CADM2: variants seen among roughly 807,000 people sequenced by gnomAD.
The protein encoded by CADM2 is cell adhesion molecule 2.
A neutral mutation model predicts 49.8 loss-of-function variants in CADM2; 12 were observed. The ratio of observed to expected loss-of-function variants is 0.24; its 90% CI spans 0.15 to 0.39. The LOEUF is 0.39. Among genes scored for constraint, CADM2 ranks in the 10% least tolerant of loss-of-function variants. The pLI is 1.00. For synonymous variants in CADM2, 214 were observed against 175.4 expected (o/e 1.22, Z -1.74); for missense variants, 378 against 492.3 (o/e 0.77, Z 2.20).
intron 1 of CADM2, among the ~76,000 whole-genome samples, chr3:85,244,511 A>G (rs1027111396): frequency 1.3e-5 from 2 of 152,214 alleles, no homozygotes; most frequent in Non-Finnish European, 2.9e-5. Flanking sequence ...TAGAAAAGTA[A>G]TGTGAAAAAC....
intron 8 of CADM2, among the ~76,000 whole-genome samples, chr3:86,034,122 A>G (rs1419595480): frequency 6.6e-6 from 1 of 151,874 alleles, no homozygotes; most frequent in Non-Finnish European, 1.5e-5. Flanking sequence ...CTTACTTACT[A>G]TCTGCCCCAG....
intron 1 of CADM2, among the ~76,000 whole-genome samples, chr3:85,479,107 C>G (rs2039102879): frequency 6.6e-6 from 1 of 151,750 alleles, no homozygotes. Context: ...TCATGCCTGG[C>G]TAAATTTTTA....
intron 1 of CADM2, among the ~76,000 whole-genome samples, chr3:85,595,124 T>C (rs758464639): frequency 6.6e-6 from 1 of 152,042 alleles, no homozygotes; most frequent in Non-Finnish European, 1.5e-5. Context: ...ATAATACAAA[T>C]TGAAGTAGGA....
At chr3:85,554,405 G>C (rs947501998) in intron 1 of CADM2, among the ~76,000 whole-genome samples, 30 of 152,098 alleles carry the variant, frequency 2.0e-4, no homozygotes, top group Admixed American at 1.8e-3. Context: ...GTACCGGTTG[G>C]CGGCACAAAG....
chr3:84,959,517 AG>A lies in CADM2; in HGVS notation c.-89del. ...GGTGGGTCCGGCGGGCGCCGGGAGG[AG>A]GACACCAGCGGAGCCCTGCACTCTC... is the stretch of plus-strand genomic sequence containing the variant. On this transcript the variant is annotated 5_prime_UTR_variant, in exon 1 of 10. Transcript: ENST00000383699. 7.9e-7 allele frequency: 1 copy of A among 1,264,380 alleles called. No homozygotes were observed. Among genetic ancestry groups the A allele is most frequent in the Non-Finnish European group, 1.1e-6 (1 of 908,132 alleles). The allele number at this position is 1,264,380 out of a possible 1,614,324, so 78.3% of individuals were successfully genotyped here. A position where few individuals can be genotyped will look rare whatever the true frequency, so the allele number is the denominator to read the frequency against.
chr3:84,973,715 G>T (rs1351079866), intron 1 of CADM2, among the ~76,000 whole-genome samples: 1 of 142,528 alleles, frequency 7.0e-6, no homozygotes, highest in South Asian at 2.3e-4. Flanking sequence ...TTCATTCAAA[G>T]AGCCGCTGAT....
At chr3:85,402,687 C>G (rs559193257) in intron 1 of CADM2, among the ~76,000 whole-genome samples, 103 of 152,292 alleles carry the variant, frequency 6.8e-4, no homozygotes, top group Middle Eastern at 3.4e-3. Context: ...AGAGGTCCTC[C>G]TCAAGACCAA....
chr3:85,019,816 G>C (rs920467014), intron 1 of CADM2, among the ~76,000 whole-genome samples: 2 of 152,082 alleles, frequency 1.3e-5, no homozygotes, highest in African/African-American at 4.8e-5. Flanking sequence ...GTGAAGCAGG[G>C]AAAATACTCC....
At chr3:84,966,760 C>T (rs2107065897) in intron 1 of CADM2, among the ~76,000 whole-genome samples, 1 of 152,086 alleles carries the variant, frequency 6.6e-6, no homozygotes, top group South Asian at 2.1e-4. Context: ...ATTTTGGAAA[C>T]AACTCTTTCT....
chr3:85,510,748 G>A (rs1022502160), intron 1 of CADM2, among the ~76,000 whole-genome samples: 8 of 151,866 alleles, frequency 5.3e-5, no homozygotes, highest in African/African-American at 1.7e-4. Context: ...AGTTCAATTA[G>A]TCTTTCATTC....
intron 1 of CADM2, among the ~76,000 whole-genome samples, chr3:85,068,151 A>C (rs1174678285): frequency 6.6e-6 from 1 of 152,232 alleles, no homozygotes; most frequent in African/African-American, 2.4e-5. Flanking sequence ...CAAGCCTTCA[A>C]TTATAACATT....
chr3:85,384,671 ATG>A (rs372405205), intron 1 of CADM2, among the ~76,000 whole-genome samples: 83 of 148,452 alleles, frequency 5.6e-4, no homozygotes, highest in South Asian at 8.5e-4. Context: ...GTCAAAAAAA[ATG>A]TGTGTGTGTG....
At chr3:85,340,870 T>C (rs557822550) in intron 1 of CADM2, among the ~76,000 whole-genome samples, 2 of 151,820 alleles carry the variant, frequency 1.3e-5, no homozygotes, top group East Asian at 3.9e-4. Flanking sequence ...TATTGTTTTA[T>C]TTGCTGTTAC....
chr3:85,033,699 T>G (rs951905030), intron 1 of CADM2, among the ~76,000 whole-genome samples: 6 of 152,140 alleles, frequency 3.9e-5, no homozygotes, highest in South Asian at 2.1e-4. Context: ...AGTTTGAGGT[T>G]TTATGAAAGT....
intron 1 of CADM2, among the ~76,000 whole-genome samples, chr3:85,275,995 A>G (rs1408241051): frequency 1.3e-5 from 2 of 151,294 alleles, no homozygotes; most frequent in Admixed American, 1.3e-4. Context: ...TGACCTATGT[A>G]CTACTGTTAC....
Position 85,602,055 on chromosome 3 carries a change from C to T in CADM2, c.62-124467C>T, listed in dbSNP as rs147475301. Reference sequence around the variant, plus strand: ...GCTACTATTGTAATTTAAACTTTCACTTAGAATTAAAAGCAATTATCATTA... The same window carrying T: ...GCTACTATTGTAATTTAAACTTTCATTTAGAATTAAAAGCAATTATCATTA... On this transcript the variant is annotated intron_variant, in intron 1 of 9. Coordinates refer to ENST00000383699, the MANE Select transcript of CADM2 (RefSeq NM_001167675.2). Among the ~76,000 whole-genome samples, 422 of 151,880 alleles carry T rather than the reference C, an allele frequency of 2.8e-3. 3 individuals are homozygous for T. Among genetic ancestry groups the T allele is most frequent in the African/African-American group, 9.7e-3 (404 of 41,534 alleles).
chr3:85,504,112 G>A (rs982180680), intron 1 of CADM2, among the ~76,000 whole-genome samples: 4 of 152,090 alleles, frequency 2.6e-5, no homozygotes, highest in African/African-American at 7.2e-5. Context: ...GTTCTTAAAG[G>A]CGGCGTGTCC....
chr3:85,267,616 A>AT (rs905181728), intron 1 of CADM2, among the ~76,000 whole-genome samples: 49 of 150,792 alleles, frequency 3.2e-4, no homozygotes, highest in South Asian at 1.0e-3. Context: ...GATGGCAGGG[A>AT]TTTTTTTTTA....
At chr3:84,998,638 G>A (rs895188790) in intron 1 of CADM2, among the ~76,000 whole-genome samples, 5 of 152,050 alleles carry the variant, frequency 3.3e-5, no homozygotes, top group African/African-American at 9.7e-5. Context: ...GACTTGCAAC[G>A]CTTGCTAACA....
Sources: allele counts gnomAD v4.1 joint callset (sites outside exome capture counted in the v4.1 genomes callset), GRCh38; gene constraint gnomAD v4.1.1; transcripts MANE v1.5; gene names NCBI Gene and HGNC (gene_info 2026-07-23, HGNC 2026-07-21).